COL19A1: variants seen among roughly 807,000 people sequenced by gnomAD.
The protein encoded by COL19A1 is collagen type XIX alpha 1 chain, also known as collagen alpha-1(XIX) chain.
Under a neutral mutation model 190.2 loss-of-function variants are expected in COL19A1, and 159 were observed. That is an observed-to-expected ratio of 0.84 (90% CI 0.73 to 0.95). The LOEUF is 0.95. COL19A1 is among the 40% of genes least tolerant of loss of function. The pLI is 0.00. For missense variants in COL19A1, 1,418 were observed against 1,431.9 expected (o/e 0.99, Z 0.16); for synonymous variants, 509 against 458.9 (o/e 1.11, Z -1.39).
At chr6:69,955,275 G>A (rs577479721) in intron 9 of COL19A1, among the ~76,000 whole-genome samples, 2 of 152,178 alleles carry the variant, frequency 1.3e-5, no homozygotes, top group South Asian at 4.1e-4. Context: ...CTATGTGTAG[G>A]AAGAAACTTT....
chr6:69,878,369 G>C (rs952143359), intron 1 of COL19A1, among the ~76,000 whole-genome samples: 1 of 151,628 alleles, frequency 6.6e-6, no homozygotes, highest in South Asian at 2.1e-4. Context: ...GCCCGCCACC[G>C]TGCCTGACTA....
At chr6:70,156,816 T>G in intron 34 of COL19A1, 93 bp downstream of exon 34, 1 of 896,344 alleles carries the variant, frequency 1.1e-6, no homozygotes. Context: ...ATAGCTCAGA[T>G]CTGATGCTAT....
chr6:70,022,601 A>G (rs573368367), intron 11 of COL19A1, among the ~76,000 whole-genome samples: 1 of 152,180 alleles, frequency 6.6e-6, no homozygotes, highest in Admixed American at 6.5e-5. Context: ...AAACAAAATT[A>G]TATGTCACTA....
chr6:70,079,533 A>G (rs1447073863), intron 15 of COL19A1, among the ~76,000 whole-genome samples: 1 of 152,184 alleles, frequency 6.6e-6, no homozygotes, highest in Non-Finnish European at 1.5e-5. Flanking sequence ...GGGTGGAGAG[A>G]TGAACTAGAA....
chr6:70,115,341 TATA>T (rs938866466), intron 16 of COL19A1, among the ~76,000 whole-genome samples: 1 of 152,214 alleles, frequency 6.6e-6, no homozygotes, highest in Non-Finnish European at 1.5e-5. Context: ...AAATGGAAAA[TATA>T]ATACTACCCA....
chr6:70,080,589 CTT>C (rs1237432052), intron 15 of COL19A1, among the ~76,000 whole-genome samples: 1 of 152,094 alleles, frequency 6.6e-6, no homozygotes, highest in Non-Finnish European at 1.5e-5. Flanking sequence ...CCTTGGAAAA[CTT>C]TGTTTTATTG....
chr6:69,901,487 CAG>C (rs1770185337), intron 4 of COL19A1, among the ~76,000 whole-genome samples: 1 of 152,174 alleles, frequency 6.6e-6, no homozygotes, highest in Non-Finnish European at 1.5e-5. Flanking sequence ...AATTTCAAAT[CAG>C]GGGATATAAT....
At chr6:70,152,201 G>A (rs548914070) in intron 31 of COL19A1, among the ~76,000 whole-genome samples, 43 of 151,924 alleles carry the variant, frequency 2.8e-4, no homozygotes, top group Non-Finnish European at 5.0e-4. Flanking sequence ...TGTTGTATCT[G>A]TCTTTGTATG....
intron 34 of COL19A1, among the ~76,000 whole-genome samples, chr6:70,160,858 A>G (rs544698772): frequency 3.3e-5 from 5 of 152,312 alleles, no homozygotes; most frequent in East Asian, 1.9e-4. Flanking sequence ...ACCCTGTGCT[A>G]TATAAGATTT....
At chr6:70,067,502 G>C (rs1781309570) in intron 14 of COL19A1, among the ~76,000 whole-genome samples, 2 of 152,034 alleles carry the variant, frequency 1.3e-5, no homozygotes, top group Non-Finnish European at 2.9e-5. Flanking sequence ...AGCATTTGAT[G>C]GGGTAAACTG....
At chr6:70,035,966 A>G (rs1779332494) in intron 14 of COL19A1, 27 bp downstream of exon 14, 2 of 1,607,246 alleles carry the variant, frequency 1.2e-6, no homozygotes, top group Non-Finnish European at 1.7e-6. Context: ...TCAAAATTCA[A>G]AATTGAAATC....
At chr6:70,202,358 G>A (rs1266694609) in intron 49 of COL19A1, among the ~76,000 whole-genome samples, 1 of 152,172 alleles carries the variant, frequency 6.6e-6, no homozygotes, top group Admixed American at 6.5e-5. Context: ...CTTGTGGATG[G>A]TAACTTTTGA....
chr6:69,986,005 C>T (rs1054395167), intron 11 of COL19A1, among the ~76,000 whole-genome samples: 1 of 151,914 alleles, frequency 6.6e-6, no homozygotes, highest in African/African-American at 2.4e-5. Flanking sequence ...ACTTAAGGAG[C>T]TTGCTTCAGT....
intron 11 of COL19A1, among the ~76,000 whole-genome samples, chr6:69,976,794 A>C (rs115924960): frequency 0.013 from 1,939 of 152,320 alleles, 43 homozygotes; most frequent in African/African-American, 0.037. Context: ...CCTGAGTCAT[A>C]GTTTCAGGCA....
chr6:70,175,326 A>T (rs1300310486), intron 41 of COL19A1, among the ~76,000 whole-genome samples: 2 of 152,084 alleles, frequency 1.3e-5, no homozygotes, highest in East Asian at 3.8e-4. Flanking sequence ...TTTCTTTATG[A>T]TTTCTTGTTT....
At chr6:70,072,391 A>G (rs973122050) in intron 15 of COL19A1, among the ~76,000 whole-genome samples, 33 of 152,158 alleles carry the variant, frequency 2.2e-4, no homozygotes, top group Non-Finnish European at 1.6e-4. Flanking sequence ...GAAAAAAGAC[A>G]TTTACTGGTG....
At chr6:69,876,185 G>A (rs748176990) in intron 1 of COL19A1, among the ~76,000 whole-genome samples, 3 of 152,110 alleles carry the variant, frequency 2.0e-5, no homozygotes, top group African/African-American at 4.8e-5. Context: ...GCAATTCTTC[G>A]ATAACTAGAA....
At chr6:70,180,589 A>G in intron 44 of COL19A1, 66 bp downstream of exon 44, 2 of 1,507,164 alleles carry the variant, frequency 1.3e-6, no homozygotes, top group Non-Finnish European at 1.8e-6. Flanking sequence ...CTCCTCATCT[A>G]CCACCTCAGA....
At chr6:70,141,078 AT>A in intron 20 of COL19A1, 89 bp downstream of exon 20, 1 of 1,173,512 alleles carries the variant, frequency 8.5e-7, no homozygotes, top group African/African-American at 1.6e-5. Context: ...TTGGAGTCTA[AT>A]AGATTTGATT....
Sources: gnomAD v4.1 joint callset for allele counts (sites outside exome capture counted in the v4.1 genomes callset) on GRCh38, gnomAD v4.1.1 for gene constraint, MANE v1.5 for transcripts, NCBI Gene and HGNC (gene_info 2026-07-23, HGNC 2026-07-21) for gene names.